Variants in TRANK1 observed in about 807,000 individuals in gnomAD.
TRANK1 encodes the protein TPR and ankyrin repeat-containing protein 1.
TRANK1 carries 198 observed loss-of-function variants against 266.0 expected under a neutral mutation model. That is an observed-to-expected ratio of 0.74 (90% CI 0.66 to 0.84). The LOEUF (loss-of-function observed/expected upper bound fraction) is 0.84. Ranked by LOEUF, TRANK1 falls within the 40% of genes least tolerant of loss-of-function variation. The probability of loss-of-function intolerance (pLI) is 0.00; values close to 1 mark genes in which losing one functional copy is unlikely to be tolerated. For missense variants in TRANK1, 3,326 were observed against 3,634.6 expected (o/e 0.92, Z 2.18); for synonymous variants, 1,396 against 1,384.1 (o/e 1.01, Z -0.19).
At chr3:36,921,125 C>T (rs749082336) in intron 1 of TRANK1, among the ~76,000 whole-genome samples, 52 of 152,170 alleles carry the variant, frequency 3.4e-4, no homozygotes, top group Non-Finnish European at 4.9e-4. Flanking sequence ...AAGTCACCTT[C>T]GGTTACTTGT....
At chr3:36,881,704 A>T (rs951125612) in intron 8 of TRANK1, among the ~76,000 whole-genome samples, 2 of 152,192 alleles carry the variant, frequency 1.3e-5, no homozygotes, top group African/African-American at 2.4e-5. Context: ...CAATTCCAGA[A>T]CATTTTCATC....
intron 15 of TRANK1, among the ~76,000 whole-genome samples, chr3:36,849,341 C>T (rs1462410120): frequency 6.6e-6 from 1 of 152,132 alleles, no homozygotes; most frequent in Non-Finnish European, 1.5e-5. Context: ...CTTCCTCTCC[C>T]CCAAAAAGAA....
chr3:36,891,403 G>C (rs1283241295), intron 7 of TRANK1, among the ~76,000 whole-genome samples: 1 of 152,118 alleles, frequency 6.6e-6, no homozygotes, highest in East Asian at 1.9e-4. Context: ...GGACAAATCT[G>C]GCTAAAGCAA....
intron 2 of TRANK1, among the ~76,000 whole-genome samples, chr3:36,907,077 T>C (rs2079979737): frequency 2.0e-5 from 3 of 152,204 alleles, no homozygotes; most frequent in Admixed American, 2.0e-4. Flanking sequence ...AGAAGGAGAT[T>C]TACAAAAATG....
intron 1 of TRANK1, among the ~76,000 whole-genome samples, chr3:36,925,532 C>T (rs2080275881): frequency 6.6e-6 from 1 of 151,750 alleles, no homozygotes; most frequent in South Asian, 2.1e-4. Context: ...AAACAAAGAA[C>T]CTAGAATTTT....
intron 15 of TRANK1, chr3:36,850,257 T>C (rs2078969049): frequency 2.0e-6 from 2 of 985,226 alleles, no homozygotes; most frequent in African/African-American, 1.7e-5. Context: ...GGTTAATGAG[T>C]GTGCATCTGA....
Position 36,893,017 on chromosome 3 carries a change from T to TA in TRANK1, c.553-34dup, listed in dbSNP as rs770805755. On this transcript the variant is annotated intron_variant, in intron 5 of 23. Transcript: ENST00000645898. ...GAGAAGACAGAAAAGGCTGGAATAATAATGTTCTCCACATAGGTTATTAAA... is the reference window on the plus strand; with the variant it reads ...GAGAAGACAGAAAAGGCTGGAATAATAAATGTTCTCCACATAGGTTATTAAA... 2.9e-6 allele frequency: 4 copies of TA among 1,366,832 alleles called. No homozygotes were observed. The African/African-American group carries it at 5.9e-5, about 20-fold the overall frequency. 84.7% of individuals were successfully genotyped at this position (1,366,832 alleles called of 1,614,324 possible). A position where few individuals can be genotyped will look rare whatever the true frequency, so the allele number is the denominator to read the frequency against.
Position 36,846,262 on chromosome 3 carries a change from G to C in TRANK1, c.5177C>G (p.Thr1726Arg). 1 of 1,596,050 alleles carries C rather than the reference G, an allele frequency of 6.3e-7. No individual in the cohort carries two copies. ...IRRDFVQVVK[T>R]DENKDFDDSM... ...CAGGATCTTACCTTTATTTTCATCT[G>C]TCTTTACAACTTGGACAAAATCTCT... Residue 1726 changes from threonine (T) to arginine (R), a missense_variant, in exon 17 of 24, where the codon ACA becomes AGA. Transcript: ENST00000645898.
chr3:36,875,493 G>A (rs912333308), intron 8 of TRANK1, among the ~76,000 whole-genome samples: 9 of 152,220 alleles, frequency 5.9e-5, no homozygotes, highest in African/African-American at 2.2e-4. Context: ...CAGAACTCCA[G>A]ATGAGAACAT....
Position 36,857,003 on chromosome 3 carries a change from A to C in TRANK1, c.2719T>G (p.Phe907Val). Residue 907 changes from phenylalanine to valine, a missense_variant, in exon 13 of 24, where the codon TTC (phenylalanine) becomes GTC (valine). By Grantham distance (50) the Phe-to-Val change is conservative. Coordinates refer to ENST00000645898, the MANE Select transcript of TRANK1 (RefSeq NM_001329998.2). The surrounding 1 kb of genome is among the most constrained non-coding windows in gnomAD (Gnocchi z 4.3). ...ARMLWELAID[F>V]SPRCSENPEK... ...GGGTTCTCACTGCATCGAGGGGAGA[A>C]GTCAATGGCGAGCTCCCAGAGCATC... The C allele has an allele frequency of 6.2e-7, 1 of 1,613,940 alleles. No homozygotes were observed. The highest frequency in any genetic ancestry group is 8.5e-7 in the Non-Finnish European group (1 of 1,179,872).
intron 8 of TRANK1, among the ~76,000 whole-genome samples, chr3:36,877,809 G>C (rs1012928282): frequency 1.3e-5 from 2 of 152,180 alleles, no homozygotes; most frequent in Non-Finnish European, 2.9e-5. Context: ...CTTTGAAAGT[G>C]TCTGAATTTT....
chr3:36,856,260 A>T lies in TRANK1; in HGVS notation c.3462T>A (p.Asp1154Glu). ...CTGCGCAGGCTTCATACTCCTGCTC[A>T]TCTATGCTTTCTACTGTTTCCACTT... ...SIEVETVESIDEQEYEACAGG... is the reference protein window; with the variant it reads ...SIEVETVESIEEQEYEACAGG... The change falls in exon 13 of 24, where the codon GAT becomes GAA. Residue 1154 changes from aspartate (D) to glutamate (E), a missense_variant. Transcript: ENST00000645898. The T allele has an allele frequency of 6.2e-7, 1 of 1,609,346 alleles. No homozygotes were observed. Among genetic ancestry groups the T allele is most frequent in the Non-Finnish European group, 8.5e-7 (1 of 1,177,444 alleles).
intron 15 of TRANK1, 47 bp from the exon 16 acceptor site, chr3:36,847,393 C>A: frequency 6.2e-7 from 1 of 1,601,954 alleles, no homozygotes; most frequent in South Asian, 1.1e-5. Context: ...TGCTTTTGAA[C>A]TACGCATACA....
rs34540496 is a variant in TRANK1, at chr3:36,865,024, G to GTTTT, written c.1079-548_1079-545dup. Among the ~76,000 whole-genome samples the GTTTT allele has an allele frequency of 1.8e-3, 220 of 119,744 alleles. 11 individuals carry two copies. The highest frequency in any genetic ancestry group is 0.015 in the Middle Eastern group (3 of 198). The allele number at this position is 119,744 out of a possible 152,430, so 78.6% of individuals were successfully genotyped here. ...TTTTGGGGGTTTTTTTGTTTTTTTG[G>GTTTT]TTTTTTTTTTTTTTTTTTTTTGAGA... On this transcript the variant is annotated intron_variant, in intron 9 of 23. Coordinates refer to ENST00000645898, the MANE Select transcript of TRANK1 (RefSeq NM_001329998.2).
chr3:36,857,421 T>G lies in TRANK1; in HGVS notation c.2301A>C (p.Glu767Asp). 6.2e-7 allele frequency: 1 copy of G among 1,613,884 alleles called. No individual in the cohort carries two copies. The highest frequency in any genetic ancestry group is 8.5e-7 in the Non-Finnish European group (1 of 1,179,852). Residue 767 changes from glutamate to aspartate, a missense_variant, in exon 13 of 24, where the codon GAA becomes GAC. Physicochemically the swap from Glu to Asp is conservative, Grantham distance 45. Transcript: ENST00000645898. This position sits in a 1 kb window ranked among gnomAD's most constrained non-coding sequence, Gnocchi z 4.3. ...GAGTCGGCTTGTCATCTTTCTTTCC[T>G]TCTTTGCCAGCTCCTGCCTCCAGAG... Reference protein sequence around the residue: ...SEPLEAGAGKEGKKDDKPTLG... With the variant: ...SEPLEAGAGKDGKKDDKPTLG...
intron 14 of TRANK1, 43 bp downstream of exon 14, chr3:36,852,103 A>G (rs2078992188): frequency 2.0e-6 from 3 of 1,531,414 alleles, no homozygotes; most frequent in Admixed American, 2.3e-5. Context: ...TTTCAATTGC[A>G]AACTGTCTTT....
intron 15 of TRANK1, chr3:36,851,437 G>A: frequency 3.5e-6 from 4 of 1,151,562 alleles, no homozygotes; most frequent in Non-Finnish European, 4.3e-6. Flanking sequence ...AAGGATAACA[G>A]TGGCTAATGA....
At chr3:36,923,632 A>G (rs34827295) in intron 1 of TRANK1, among the ~76,000 whole-genome samples, 23,256 of 151,510 alleles carry the variant, frequency 0.15, 2,519 homozygotes, top group East Asian at 0.59. Flanking sequence ...TGTAGGGGGA[A>G]CTCTCTCTGG....
At chr3:36,829,015 A>T (rs1343333357) in intron 23 of TRANK1, among the ~76,000 whole-genome samples, 1 of 152,232 alleles carries the variant, frequency 6.6e-6, no homozygotes, top group African/African-American at 2.4e-5. Context: ...TCTGGATCAC[A>T]TATAACTTGG....
Sources: gnomAD v4.1 joint callset for allele counts (sites outside exome capture counted in the v4.1 genomes callset) on GRCh38, gnomAD v4.1.1 for gene constraint, Gnocchi (gnomAD v3.1) non-coding constraint, MANE v1.5 for transcripts, NCBI Gene and HGNC (gene_info 2026-07-23, HGNC 2026-07-21) for gene names.